The following FAM3B variants were observed in gnomAD, a reference collection of about 807,000 sequenced individuals.
The protein encoded by FAM3B is protein FAM3B.
FAM3B carries 29 observed loss-of-function variants against 28.4 expected under a neutral mutation model. The observed-to-expected ratio is 1.02, with a 90% confidence interval of 0.76 to 1.39. The LOEUF is 1.39. Among genes scored for constraint, FAM3B ranks in the 40% most tolerant of loss-of-function variants. The probability of loss-of-function intolerance (pLI) is 0.00; values close to 1 mark genes in which losing one functional copy is unlikely to be tolerated. For synonymous variants in FAM3B, 91 were observed against 103.0 expected (o/e 0.88, Z 0.71); for missense variants, 266 against 293.9 (o/e 0.91, Z 0.69).
At chr21:41,314,221 G>A (rs1374779835), upstream of FAM3B, among the ~76,000 whole-genome samples, 5 of 152,226 alleles carry the variant, frequency 3.3e-5, no homozygotes, top group African/African-American at 1.2e-4. Flanking sequence ...TGAGAAGACA[G>A]TGATCAGTCT....
At position 41,340,215 on chromosome 21, in the gene FAM3B, G is replaced by A. The variant is rs191176831; in HGVS notation, c.287+1714G>A. Among the ~76,000 whole-genome samples, 65 of 149,170 alleles carry A rather than the reference G, an allele frequency of 4.4e-4. 1 individual carries two copies. Among genetic ancestry groups the A allele is most frequent in the African/African-American group, 1.4e-3 (56 of 40,400 alleles). On this transcript the variant is annotated intron_variant, in intron 3 of 7. Coordinates refer to ENST00000357985, the MANE Select transcript of FAM3B (RefSeq NM_058186.4). ...TGTCACCAGGCTGGAGTGCAGTGGCGCCATCTCGGCTCACTGCAACCTCCG... is the reference window on the plus strand; with the variant it reads ...TGTCACCAGGCTGGAGTGCAGTGGCACCATCTCGGCTCACTGCAACCTCCG...
At chr21:41,333,829 T>C (rs1258080104) in intron 2 of FAM3B, among the ~76,000 whole-genome samples, 1 of 152,174 alleles carries the variant, frequency 6.6e-6, no homozygotes, top group Non-Finnish European at 1.5e-5. Flanking sequence ...TCCTAGAGAC[T>C]AGTTGAATGT....
chr21:41,316,264 C>T (rs977034949), upstream of FAM3B, among the ~76,000 whole-genome samples: 1 of 152,158 alleles, frequency 6.6e-6, no homozygotes, highest in Non-Finnish European at 1.5e-5. Flanking sequence ...GCATGGCCCT[C>T]GCTTCACTTT....
rs1809272972 is a variant in FAM3B, at chr21:41,323,211, C to A, written c.163+145C>A. The A allele has an allele frequency of 1.9e-5, 21 of 1,105,726 alleles. No individual in the cohort carries two copies. The East Asian group carries it at 5.2e-4, about 27-fold the overall frequency. 68.5% of individuals were successfully genotyped at this position (1,105,726 alleles called of 1,614,324 possible). A position where few individuals can be genotyped will look rare whatever the true frequency, so the allele number is the denominator to read the frequency against. The stretch of plus-strand genomic sequence containing the variant: ...AGGAGAGAAGCATTTTGCAGTTACT[C>A]ATTTAGGTCCCACGCCATTCCAAGG... On this transcript the variant is annotated intron_variant, in intron 2 of 7. Transcript: ENST00000357985.
intron 2 of FAM3B, among the ~76,000 whole-genome samples, chr21:41,334,253 G>T (rs888234131): frequency 1.3e-5 from 2 of 152,208 alleles, no homozygotes; most frequent in African/African-American, 4.8e-5. Context: ...GCAGAAATTT[G>T]CATAAGTAAA....
chr21:41,322,127 T>A (rs2088812132), intron 1 of FAM3B, among the ~76,000 whole-genome samples: 1 of 152,090 alleles, frequency 6.6e-6, no homozygotes, highest in Admixed American at 6.6e-5. Flanking sequence ...TGATCTATGC[T>A]ATATTTAGGG....
At position 41,338,795 on chromosome 21, in the gene FAM3B, C is replaced by T. The variant is rs148829862; in HGVS notation, c.287+294C>T. On this transcript the variant is annotated intron_variant, in intron 3 of 7. Transcript: ENST00000357985. ...AGTGAGCACAGCCCTGTGGGTTCTACGGGTGATGATAGACAAGTACTCTGG... is the reference window on the plus strand; with the variant it reads ...AGTGAGCACAGCCCTGTGGGTTCTATGGGTGATGATAGACAAGTACTCTGG... Among the ~76,000 whole-genome samples, 410 of 152,192 alleles carry T rather than the reference C, an allele frequency of 2.7e-3. 1 individual carries two copies. The highest frequency in any genetic ancestry group is 7.5e-3 in the African/African-American group (313 of 41,504).
chr21:41,356,184 A>G (rs1168273765), intron 7 of FAM3B, among the ~76,000 whole-genome samples: 3 of 152,196 alleles, frequency 2.0e-5, no homozygotes, highest in African/African-American at 7.2e-5. Context: ...ATTTATTAAA[A>G]TTAAATAGAA....
intron 1 of FAM3B, among the ~76,000 whole-genome samples, chr21:41,308,640 A>G (rs1384924017): frequency 6.6e-6 from 1 of 150,414 alleles, no homozygotes; most frequent in Non-Finnish European, 1.5e-5. Flanking sequence ...CCTGGGTTCA[A>G]GCGATCCTCC....
At chr21:41,333,487 C>T (rs1450882075) in intron 2 of FAM3B, among the ~76,000 whole-genome samples, 1 of 152,170 alleles carries the variant, frequency 6.6e-6, no homozygotes, top group African/African-American at 2.4e-5. Context: ...CTGCTCTGGC[C>T]ATGTGATATG....
At chr21:41,355,274 A>G (rs1386562515) in intron 7 of FAM3B, among the ~76,000 whole-genome samples, 2 of 152,238 alleles carry the variant, frequency 1.3e-5, no homozygotes, top group African/African-American at 2.4e-5. Flanking sequence ...AGTTCCTCAA[A>G]AAGTTAAACA....
intron 1 of FAM3B, chr21:41,320,928 GGGCCACCGTTACCTATTCCTTCAT>G (rs1238450443): frequency 6.6e-6 from 1 of 152,070 alleles, no homozygotes; most frequent in African/African-American, 2.4e-5. Flanking sequence ...TGTTCAGCTG[GGGCCACCGTTACCTATTCCTTCAT>G]GTAGCTGCTT....
rs1568921636 is a variant in FAM3B, at chr21:41,345,683, CA to C, written c.347-2del. ...TTTAAAATACCATTTCTTTTATTTT[CA>C]GATGTAACTGGGAATGTGACAGCAA... On this transcript the variant is annotated splice_acceptor_variant, in intron 4 of 7. Coordinates refer to ENST00000357985, the MANE Select transcript of FAM3B (RefSeq NM_058186.4). LOFTEE classifies it high-confidence loss of function. 2.0e-6 allele frequency: 3 copies of C among 1,533,202 alleles called. No homozygotes were observed. The highest frequency in any genetic ancestry group is 2.3e-5 in the Admixed American group (1 of 43,096). The allele number at this position is 1,533,202 out of a possible 1,614,324, so 95.0% of individuals were successfully genotyped here.
chr21:41,341,702 T>C (rs2089008679), intron 3 of FAM3B, among the ~76,000 whole-genome samples: 1 of 152,254 alleles, frequency 6.6e-6, no homozygotes, highest in Non-Finnish European at 1.5e-5. Flanking sequence ...CTGCATTGCA[T>C]GAATATGTTA....
intron 2 of FAM3B, among the ~76,000 whole-genome samples, chr21:41,334,227 G>C (rs910889778): frequency 6.6e-6 from 1 of 152,234 alleles, no homozygotes; most frequent in African/African-American, 2.4e-5. Context: ...TTTCACAGGA[G>C]GAATTCAAGC....
intron 1 of FAM3B, among the ~76,000 whole-genome samples, chr21:41,307,540 A>G (rs572677406): frequency 1.1e-4 from 16 of 152,362 alleles, no homozygotes; most frequent in African/African-American, 3.6e-4. Context: ...GGCTTTTAAT[A>G]TGCCTTCCTC....
upstream of FAM3B, among the ~76,000 whole-genome samples, chr21:41,312,461 C>T (rs1039768360): frequency 1.3e-5 from 2 of 152,154 alleles, no homozygotes; most frequent in Non-Finnish European, 1.5e-5. Context: ...CTTACAAACT[C>T]ACTCCAGGGT....
chr21:41,353,298 G>A (rs2089137876), intron 7 of FAM3B, among the ~76,000 whole-genome samples: 1 of 152,182 alleles, frequency 6.6e-6, no homozygotes, highest in African/African-American at 2.4e-5. Context: ...TGTAGAAATT[G>A]ACAAGTTCAT....
chr21:41,307,262 A>G (rs1312345959), intron 1 of FAM3B, among the ~76,000 whole-genome samples: 2 of 152,174 alleles, frequency 1.3e-5, no homozygotes, highest in African/African-American at 4.8e-5. Context: ...CCAGCTCCCA[A>G]CTTTTCTTCT....
Sources: allele counts gnomAD v4.1 joint callset (sites outside exome capture counted in the v4.1 genomes callset), GRCh38; gene constraint gnomAD v4.1.1; transcripts MANE v1.5; gene names NCBI Gene and HGNC (gene_info 2026-07-23, HGNC 2026-07-21).